Variants in UHMK1 observed in about 807,000 individuals in gnomAD.
The protein encoded by UHMK1 is U2AF homology motif kinase 1, also known as serine/threonine-protein kinase Kist.
A neutral mutation model predicts 44.0 loss-of-function variants in UHMK1; 18 were observed. The observed-to-expected ratio is 0.41, with a 90% confidence interval of 0.28 to 0.61. The LOEUF is 0.61. Ranked by LOEUF, UHMK1 falls within the 20% of genes least tolerant of loss-of-function variation. The pLI, the probability that UHMK1 is intolerant of heterozygous loss-of-function variation, is 0.31. For missense variants in UHMK1, 463 were observed against 522.5 expected (o/e 0.89, Z 1.11); for synonymous variants, 231 against 198.5 (o/e 1.16, Z -1.38).
At chr1:162,517,964 A>AT in intron 6 of UHMK1, 138 bp from the exon 7 acceptor site, 1 of 583,798 alleles carries the variant, frequency 1.7e-6, no homozygotes, top group Non-Finnish European at 3.1e-6. Flanking sequence ...GAATCATTTG[A>AT]ATGTCAACTA....
chr1:162,497,897 C>T lies in UHMK1; in HGVS notation c.-104C>T, dbSNP rs1286718960. The stretch of plus-strand genomic sequence containing the variant: ...TCGGTGAGGCGGCTGCAGGTCCCTC[C>T]CTGCGGAGCCGCTGGTCCGGCTGGC... On this transcript the variant is annotated 5_prime_UTR_variant, in exon 1 of 8. Transcript: ENST00000489294. The T allele has an allele frequency of 1.4e-6, 2 of 1,422,126 alleles. No homozygotes were observed. The highest frequency in any genetic ancestry group is 1.8e-6 in the Non-Finnish European group (2 of 1,093,544). 88.1% of individuals were successfully genotyped at this position (1,422,126 alleles called of 1,614,324 possible). A position where few individuals can be genotyped will look rare whatever the true frequency, so the allele number is the denominator to read the frequency against.
At chr1:162,497,217 C>G, upstream of UHMK1, 1 of 699,036 alleles carries the variant, frequency 1.4e-6, no homozygotes, top group African/African-American at 1.7e-5. Context: ...GATGAAGCCT[C>G]CAGGTACCAG....
chr1:162,500,377 G>C, intron 2 of UHMK1, 130 bp downstream of exon 2: 1 of 318,994 alleles, frequency 3.1e-6, no homozygotes, highest in South Asian at 5.5e-5. Context: ...AAATGCCAGG[G>C]GATGCAGTAA....
intron 4 of UHMK1, among the ~76,000 whole-genome samples, chr1:162,504,421 A>G (rs1044304061): frequency 6.6e-6 from 1 of 152,224 alleles, no homozygotes; most frequent in Non-Finnish European, 1.5e-5. Flanking sequence ...TAGTACTTAC[A>G]TAAATGTAAA....
chr1:162,515,353 T>G (rs1032466007), intron 6 of UHMK1, among the ~76,000 whole-genome samples: 2 of 152,206 alleles, frequency 1.3e-5, no homozygotes, highest in East Asian at 3.8e-4. Flanking sequence ...GATATTTAGG[T>G]CTGTATATCT....
rs1412170830 is a variant in UHMK1, at chr1:162,526,209, CT to C, written c.*3661del. 1 of 149,902 alleles carries C rather than the reference CT, an allele frequency of 6.7e-6. No individual in the cohort carries two copies. The highest frequency in any genetic ancestry group is 1.5e-5 in the Non-Finnish European group (1 of 67,622). 9.3% of individuals were successfully genotyped at this position (149,902 alleles called of 1,614,324 possible). On this transcript the variant is annotated 3_prime_UTR_variant, in exon 8 of 8. Transcript: ENST00000489294. ...ATTTGGGTATCTTTTTGTTTTAGGT[CT>C]TATTTTCTGACTGTTAGGCCTATCT... is the stretch of plus-strand genomic sequence containing the variant.
In UHMK1 at chr1:162,522,731, A is replaced by G; in HGVS notation, c.*181A>G. The stretch of plus-strand genomic sequence containing the variant: ...TTGCATACATTTGGCACTGAGTAGG[A>G]CAAGACCTCTCAGCTATACATTGAG... On this transcript the variant is annotated 3_prime_UTR_variant, in exon 8 of 8. Coordinates refer to ENST00000489294, the MANE Select transcript of UHMK1 (RefSeq NM_175866.5). 1 of 643,474 alleles carries G rather than the reference A, an allele frequency of 1.6e-6. No individual in the cohort carries two copies. Among genetic ancestry groups the G allele is most frequent in the Non-Finnish European group, 2.5e-6 (1 of 394,074 alleles). The allele number at this position is 643,474 out of a possible 1,614,324, so 39.9% of individuals were successfully genotyped here.
intron 3 of UHMK1, among the ~76,000 whole-genome samples, chr1:162,503,355 G>A (rs752823874): frequency 3.3e-5 from 5 of 151,776 alleles, no homozygotes; most frequent in Non-Finnish European, 5.9e-5. Context: ...CACAGTTATA[G>A]TCCCAGCACT....
At chr1:162,503,475 A>G (rs915648116) in intron 3 of UHMK1, among the ~76,000 whole-genome samples, 9 of 151,902 alleles carry the variant, frequency 5.9e-5, no homozygotes, top group African/African-American at 1.9e-4. Flanking sequence ...GCTGGATGTG[A>G]TGGCACACAC....
In UHMK1 at chr1:162,517,557, A is replaced by G. The variant is rs566705618; in HGVS notation, c.1025-545A>G. 1.2e-4 allele frequency among the ~76,000 whole-genome samples: 18 copies of G among 152,260 alleles called. No individual in the cohort carries two copies. The South Asian group carries it at 3.7e-3, about 32-fold the overall frequency. ...AAGCAAGGTATTTTTATAATTTCATATTTGCTTGTATATAAGTTTATAATA... is the reference window on the plus strand; with the variant it reads ...AAGCAAGGTATTTTTATAATTTCATGTTTGCTTGTATATAAGTTTATAATA... On this transcript the variant is annotated intron_variant, in intron 6 of 7. Coordinates refer to ENST00000489294, the MANE Select transcript of UHMK1 (RefSeq NM_175866.5).
intron 4 of UHMK1, among the ~76,000 whole-genome samples, 191 bp from the exon 5 acceptor site, chr1:162,512,309 C>T (rs560395855): frequency 2.9e-4 from 44 of 151,672 alleles, no homozygotes; most frequent in Non-Finnish European, 4.7e-4. Context: ...AGTATAATGT[C>T]ATAGGTATGT....
chr1:162,503,483 C>T (rs948255631), intron 3 of UHMK1, among the ~76,000 whole-genome samples: 1 of 151,816 alleles, frequency 6.6e-6, no homozygotes, highest in Non-Finnish European at 1.5e-5. Flanking sequence ...TGATGGCACA[C>T]ACCTATATTT....
rs1652324795 is a variant in UHMK1 at position 162,528,401 on chromosome 1, T to C, written c.*5851T>C. The C allele has an allele frequency of 6.6e-6, 1 of 152,130 alleles. No homozygotes were observed. The allele number at this position is 152,130 out of a possible 1,614,324, so 9.4% of individuals were successfully genotyped here. A position where few individuals can be genotyped will look rare whatever the true frequency, so the allele number is the denominator to read the frequency against. On this transcript the variant is annotated 3_prime_UTR_variant, in exon 8 of 8. Coordinates refer to ENST00000489294, the MANE Select transcript of UHMK1 (RefSeq NM_175866.5). ...CATTGCCTTTCCTACACATTCCTCA[T>C]CATTGTTTCCTCAGAAAATTATTTT...
At chr1:162,511,213 C>T (rs1434367353) in intron 4 of UHMK1, among the ~76,000 whole-genome samples, 1 of 111,738 alleles carries the variant, frequency 8.9e-6, no homozygotes, top group African/African-American at 3.6e-5. Context: ...TTTTTTGAGA[C>T]AGGGTCTCGT....
rs41271977 is a variant in UHMK1 at position 162,523,146 on chromosome 1, G to C, written c.*596G>C. The C allele has an allele frequency of 3.4e-3, 517 of 152,626 alleles. 3 individuals carry two copies. The highest frequency in any genetic ancestry group is 5.6e-3 in the Admixed American group (86 of 15,292). 9.5% of individuals were successfully genotyped at this position (152,626 alleles called of 1,614,324 possible). A position where few individuals can be genotyped will look rare whatever the true frequency, so the allele number is the denominator to read the frequency against. On this transcript the variant is annotated 3_prime_UTR_variant, in exon 8 of 8. Transcript: ENST00000489294. ...CCTATCTAAGTTTTTTTAAATTAAGGCTTTTAAAATAGAAAGCTGATGCTT... is the reference window on the plus strand; with the variant it reads ...CCTATCTAAGTTTTTTTAAATTAAGCCTTTTAAAATAGAAAGCTGATGCTT...
rs1651252713 is a variant in UHMK1, at chr1:162,501,091, C to G, written c.740C>G (p.Ser247Cys). The G allele has an allele frequency of 1.1e-5, 17 of 1,613,814 alleles. No homozygotes were observed. Among genetic ancestry groups the G allele is most frequent in the Non-Finnish European group, 1.4e-5 (17 of 1,179,984 alleles). Reference sequence around the variant, plus strand: ...ATGAAACTGAAACATACAGTCAGATCTCAGGAATGGAAGGTAAACTTCACC... The same window carrying G: ...ATGAAACTGAAACATACAGTCAGATGTCAGGAATGGAAGGTAAACTTCACC... ...SGMKLKHTVR[S>C]QEWKANSSAI... is the part of the protein sequence containing the mutation. The change falls in exon 3 of 8, where the codon TCT becomes TGT. Residue 247 changes from serine to cysteine, a missense_variant. Physicochemically the swap from Ser to Cys is moderately radical, Grantham distance 112. Coordinates refer to ENST00000489294, the MANE Select transcript of UHMK1 (RefSeq NM_175866.5).
At chr1:162,520,905 G>T (rs1652031118) in intron 7 of UHMK1, among the ~76,000 whole-genome samples, 1 of 152,166 alleles carries the variant, frequency 6.6e-6, no homozygotes, top group Non-Finnish European at 1.5e-5. Flanking sequence ...ACAGAATAGA[G>T]AGACAGGAGA....
intron 3 of UHMK1, among the ~76,000 whole-genome samples, chr1:162,502,449 T>G (rs1651305929): frequency 6.6e-6 from 1 of 152,190 alleles, no homozygotes; most frequent in African/African-American, 2.4e-5. Flanking sequence ...TCAGTATCAT[T>G]CTTTATTATT....
upstream of UHMK1, chr1:162,497,187 G>T: frequency 1.5e-6 from 1 of 677,854 alleles, no homozygotes; most frequent in South Asian, 1.6e-5. Context: ...AACTTGTGGA[G>T]ACCAAAGTTT....
Sources: gnomAD v4.1 joint callset for allele counts (sites outside exome capture counted in the v4.1 genomes callset) on GRCh38, gnomAD v4.1.1 for gene constraint, MANE v1.5 for transcripts, NCBI Gene and HGNC (gene_info 2026-07-23, HGNC 2026-07-21) for gene names.